ITGAV: variants seen among roughly 807,000 people sequenced by gnomAD.
The protein encoded by ITGAV is integrin subunit alpha V.
In ITGAV, 76 loss-of-function variants were observed where a neutral mutation model predicts 143.8. The ratio of observed to expected loss-of-function variants is 0.53; its 90% confidence interval spans 0.44 to 0.64. The LOEUF (loss-of-function observed/expected upper bound fraction) is 0.64, where lower values mean the gene tolerates loss of function less well. ITGAV is among the 30% of genes least tolerant of loss of function. ITGAV has a pLI of 0.00. For missense variants in ITGAV, 1,193 were observed against 1,274.7 expected (o/e 0.94, Z 0.98); for synonymous variants, 453 against 446.7 (o/e 1.01, Z -0.18).
At chr2:186,612,384 T>A (rs946804386) in intron 2 of ITGAV, among the ~76,000 whole-genome samples, 3 of 151,160 alleles carry the variant, frequency 2.0e-5, no homozygotes, top group African/African-American at 7.3e-5. Flanking sequence ...TTTTTTTTTT[T>A]AAAGGAGAAG....
At chr2:186,656,207 A>G (rs761567578) in intron 16 of ITGAV, 40 bp from the exon 17 acceptor site, 1 of 1,488,432 alleles carries the variant, frequency 6.7e-7, no homozygotes, top group African/African-American at 1.4e-5. Context: ...ATAGATGTCC[A>G]TAAAGAATAT....
intron 1 of ITGAV, among the ~76,000 whole-genome samples, chr2:186,591,877 T>TA (rs1686625347): frequency 6.6e-6 from 1 of 152,220 alleles, no homozygotes; most frequent in Non-Finnish European, 1.5e-5. Context: ...TCCAACATGA[T>TA]AAAAATAATC....
At chr2:186,639,204 A>G (rs191693142) in intron 10 of ITGAV, among the ~76,000 whole-genome samples, 200 of 152,322 alleles carry the variant, frequency 1.3e-3, no homozygotes, top group African/African-American at 4.4e-3. Context: ...TCTCTGTTGT[A>G]TGTCTCAAAG....
intron 2 of ITGAV, among the ~76,000 whole-genome samples, chr2:186,610,443 A>T (rs111710205): frequency 6.6e-6 from 1 of 152,206 alleles, no homozygotes; most frequent in Non-Finnish European, 1.5e-5. Context: ...TTTGCCTGAT[A>T]GAATGTATAA....
rs1451120063 is a variant in ITGAV at position 186,656,296 on chromosome 2, T to C, written c.1614T>C (p.Ile538=). 4.4e-6 allele frequency: 7 copies of C among 1,586,832 alleles called. No individual in the cohort carries two copies. The highest frequency in any genetic ancestry group is 6.0e-6 in the Non-Finnish European group (7 of 1,170,492). ...LLDKLKQKGA[I]RRALFLYSRS... ...ATAAACTCAAGCAAAAGGGAGCAATTCGACGAGCACTGTTTCTCTACAGCA... is the reference window on the plus strand; with the variant it reads ...ATAAACTCAAGCAAAAGGGAGCAATCCGACGAGCACTGTTTCTCTACAGCA... Residue 538 remains isoleucine, a synonymous_variant, in exon 17 of 30, where the codon ATT becomes ATC. Transcript: ENST00000261023.
rs1170753203 is a variant in ITGAV, at chr2:186,677,303, T to G, written c.*11T>G. The G allele has an allele frequency of 6.3e-7, 1 of 1,582,826 alleles. No individual in the cohort carries two copies. Among genetic ancestry groups the G allele is most frequent in the South Asian group, 1.1e-5 (1 of 89,952 alleles). On this transcript the variant is annotated 3_prime_UTR_variant, in exon 30 of 30. Coordinates refer to ENST00000261023, the MANE Select transcript of ITGAV (RefSeq NM_002210.5). ...AACTCAGAAACTTAACTGCAGTTTTTAAGTTATGCTACATCTTGACCCACT... is the reference window on the plus strand; with the variant it reads ...AACTCAGAAACTTAACTGCAGTTTTGAAGTTATGCTACATCTTGACCCACT...
chr2:186,600,792 C>T (rs1193388507), intron 1 of ITGAV, among the ~76,000 whole-genome samples: 1 of 152,064 alleles, frequency 6.6e-6, no homozygotes, highest in Non-Finnish European at 1.5e-5. Context: ...AACCCTGTCT[C>T]TACTAAAAAT....
In ITGAV at chr2:186,670,488, A is replaced by G. The variant is rs144233489; in HGVS notation, c.2706+674A>G. ...GCTAAGTTTTGTATTTTTTGTTGAG[A>G]TGAGGTTTCACCATGTTGCCCAGGC... On this transcript the variant is annotated intron_variant, in intron 26 of 29. Coordinates refer to ENST00000261023, the MANE Select transcript of ITGAV (RefSeq NM_002210.5). 2.0e-5 allele frequency among the ~76,000 whole-genome samples: 3 copies of G among 152,196 alleles called. No homozygotes were observed. The East Asian group carries it at 5.8e-4, about 29-fold the overall frequency.
chr2:186,661,112 C>T (rs1023547183), intron 18 of ITGAV, among the ~76,000 whole-genome samples: 1 of 152,158 alleles, frequency 6.6e-6, no homozygotes, highest in South Asian at 2.1e-4. Flanking sequence ...GTCATTTTTA[C>T]ATGGAATCAC....
intron 28 of ITGAV, chr2:186,676,386 G>C (rs992277866): frequency 1.8e-5 from 3 of 170,100 alleles, no homozygotes; most frequent in Non-Finnish European, 3.7e-5. Flanking sequence ...TGGATCATTT[G>C]AGGCCAGGAT....
chr2:186,670,468 G>C (rs755198441), intron 26 of ITGAV, among the ~76,000 whole-genome samples: 1 of 151,932 alleles, frequency 6.6e-6, no homozygotes, highest in Non-Finnish European at 1.5e-5. Context: ...GCCCAGCTAA[G>C]TTTTGTATTT....
chr2:186,624,448 T>G (rs919086930), intron 3 of ITGAV, among the ~76,000 whole-genome samples: 6 of 151,854 alleles, frequency 4.0e-5, no homozygotes, highest in Non-Finnish European at 8.8e-5. Flanking sequence ...CAGAAGGAGG[T>G]GCAAAGAAGC....
chr2:186,659,972 A>G (rs957393216), intron 18 of ITGAV, among the ~76,000 whole-genome samples: 5 of 151,874 alleles, frequency 3.3e-5, no homozygotes, highest in East Asian at 1.9e-4. Flanking sequence ...CTGTGTTTAT[A>G]TTCTTTACAT....
intron 18 of ITGAV, 93 bp from the exon 19 acceptor site, chr2:186,663,675 C>A: frequency 1.2e-6 from 1 of 826,686 alleles, no homozygotes; most frequent in Non-Finnish European, 2.0e-6. Flanking sequence ...TACATGTGTA[C>A]ATATAGGCTT....
At chr2:186,654,417 A>G (rs1424966861) in intron 15 of ITGAV, among the ~76,000 whole-genome samples, 1 of 152,130 alleles carries the variant, frequency 6.6e-6, no homozygotes, top group African/African-American at 2.4e-5. Context: ...AAGTTAGGAC[A>G]TTATTTTTCT....
intron 29 of ITGAV, 95 bp downstream of exon 29, chr2:186,677,030 A>C: frequency 5.2e-6 from 7 of 1,345,856 alleles, no homozygotes; most frequent in Non-Finnish European, 6.3e-6. Flanking sequence ...GGAAGGAAGA[A>C]AGGGACTGTA....
At chr2:186,641,222 A>G in intron 11 of ITGAV, 164 bp from the exon 12 acceptor site, 1 of 629,552 alleles carries the variant, frequency 1.6e-6, no homozygotes, top group South Asian at 2.1e-5. Context: ...TAAAAGAATT[A>G]AAGGAAGTTT....
intron 20 of ITGAV, 51 bp from the exon 21 acceptor site, chr2:186,665,075 A>G: frequency 8.7e-7 from 1 of 1,151,554 alleles, no homozygotes; most frequent in East Asian, 2.4e-5. Flanking sequence ...ACTGCGTGAT[A>G]CTTTATTTCC....
chr2:186,625,340 C>G, intron 3 of ITGAV, 133 bp from the exon 4 acceptor site: 1 of 627,952 alleles, frequency 1.6e-6, no homozygotes, highest in Non-Finnish European at 2.8e-6. Context: ...TCACTGCACT[C>G]CAGCCTGGGC....
Sources: gnomAD v4.1 joint callset for allele counts (sites outside exome capture counted in the v4.1 genomes callset) on GRCh38, gnomAD v4.1.1 for gene constraint, MANE v1.5 for transcripts, NCBI Gene and HGNC (gene_info 2026-07-23, HGNC 2026-07-21) for gene names.